Variants in MBOAT2 observed in about 807,000 individuals in gnomAD.
The protein encoded by MBOAT2 is membrane bound glycerophospholipid O-acyltransferase 2.
A neutral mutation model predicts 63.4 loss-of-function variants in MBOAT2; 28 were observed. That is an observed-to-expected ratio of 0.44 (90% CI 0.33 to 0.61). The LOEUF is 0.61. Among genes scored for constraint, MBOAT2 ranks in the 20% least tolerant of loss-of-function variants. The pLI is 0.03. For missense variants in MBOAT2, 470 were observed against 605.8 expected, an observed-to-expected ratio of 0.78 and a Z score of 2.35; for synonymous variants, 211 against 215.6, an observed-to-expected ratio of 0.98 and a Z score of 0.19.
intron 9 of MBOAT2, among the ~76,000 whole-genome samples, chr2:8,865,052 A>T (rs904571088): frequency 1.3e-5 from 2 of 152,166 alleles, no homozygotes; most frequent in African/African-American, 4.8e-5. Context: ...CTGAGTGCAG[A>T]GTATCACCAC....
chr2:8,894,519 G>T (rs1187480202), intron 4 of MBOAT2, among the ~76,000 whole-genome samples: 1 of 152,202 alleles, frequency 6.6e-6, no homozygotes, highest in Non-Finnish European at 1.5e-5. Flanking sequence ...ATAATGAAGG[G>T]CCAAGGGGGG....
At chr2:8,973,894 T>G (rs62119988) in intron 1 of MBOAT2, among the ~76,000 whole-genome samples, 8,570 of 152,200 alleles carry the variant, frequency 0.056, 242 homozygotes, top group Middle Eastern at 0.075. Flanking sequence ...ACGTTAATAG[T>G]GAACAATTTG....
At chr2:8,896,238 CA>C (rs967667476) in intron 4 of MBOAT2, among the ~76,000 whole-genome samples, 553 of 51,244 alleles carry the variant, frequency 0.011, 1 homozygote, top group South Asian at 0.014. Flanking sequence ...GACTCCGTCT[CA>C]AAAAAAAAAA....
At chr2:8,926,395 C>T (rs1032163663) in intron 3 of MBOAT2, among the ~76,000 whole-genome samples, 3 of 152,154 alleles carry the variant, frequency 2.0e-5, no homozygotes, top group Non-Finnish European at 4.4e-5. Flanking sequence ...AGGTAGAAAA[C>T]TCAACATAGA....
At chr2:8,928,552 T>TA (rs1411290490) in intron 3 of MBOAT2, among the ~76,000 whole-genome samples, 4 of 152,012 alleles carry the variant, frequency 2.6e-5, no homozygotes, top group African/African-American at 7.3e-5. Flanking sequence ...AAACATAACT[T>TA]ACATAAATAA....
chr2:8,971,578 T>A (rs898385435), intron 1 of MBOAT2, among the ~76,000 whole-genome samples: 14 of 152,212 alleles, frequency 9.2e-5, no homozygotes, highest in Non-Finnish European at 1.8e-4. Flanking sequence ...AGTCAAATTG[T>A]CCCTGTTTGC....
intron 2 of MBOAT2, among the ~76,000 whole-genome samples, chr2:8,951,466 A>G (rs1170403846): frequency 6.6e-6 from 1 of 152,154 alleles, no homozygotes; most frequent in African/African-American, 2.4e-5. Flanking sequence ...TGGCCTCCCA[A>G]TGTGCTGGGA....
At chr2:8,874,241 T>C (rs961624679) in intron 7 of MBOAT2, among the ~76,000 whole-genome samples, 1 of 152,216 alleles carries the variant, frequency 6.6e-6, no homozygotes, top group Non-Finnish European at 1.5e-5. Flanking sequence ...TATTTTATTA[T>C]TGGTTGCTCC....
chr2:8,931,049 A>G (rs1667282420), intron 3 of MBOAT2, among the ~76,000 whole-genome samples: 1 of 151,438 alleles, frequency 6.6e-6, no homozygotes, highest in South Asian at 2.1e-4. Context: ...AACCTCTGGC[A>G]TTACAGGATT....
intron 4 of MBOAT2, among the ~76,000 whole-genome samples, chr2:8,897,275 TTCTC>T (rs1217608321): frequency 6.6e-6 from 1 of 152,118 alleles, no homozygotes; most frequent in East Asian, 1.9e-4. Context: ...TTCTGTCTCT[TTCTC>T]TCTTTCCTTT....
intron 1 of MBOAT2, among the ~76,000 whole-genome samples, chr2:9,002,093 G>A (rs1442544268): frequency 1.3e-5 from 2 of 150,088 alleles, no homozygotes; most frequent in Admixed American, 6.6e-5. Flanking sequence ...CCTCCGCGGG[G>A]CCGGGAGGAT....
intron 2 of MBOAT2, among the ~76,000 whole-genome samples, chr2:8,948,462 C>T (rs1489137213): frequency 6.6e-6 from 1 of 152,122 alleles, no homozygotes; most frequent in Non-Finnish European, 1.5e-5. Context: ...TAGTACCCAA[C>T]AGTTAGTTTT....
chr2:8,934,482 C>T lies in MBOAT2; in HGVS notation c.299+8705G>A, dbSNP rs142479974. 1.1e-4 allele frequency among the ~76,000 whole-genome samples: 16 copies of T among 152,240 alleles called. No individual in the cohort carries two copies. The East Asian group carries it at 3.1e-3, about 29-fold the overall frequency. ...ACACACAAACCTGTAAGTGCTGTTG[C>T]TAGGATGCAATAGCATGTGCTTATC... On this transcript the variant is annotated intron_variant, in intron 3 of 12. Coordinates refer to ENST00000305997, the MANE Select transcript of MBOAT2 (RefSeq NM_138799.4).
At chr2:8,940,010 G>A (rs894997423) in intron 3 of MBOAT2, among the ~76,000 whole-genome samples, 1 of 152,048 alleles carries the variant, frequency 6.6e-6, no homozygotes, top group African/African-American at 2.4e-5. Flanking sequence ...GAACAGAACA[G>A]ATACCAGTTC....
intron 2 of MBOAT2, among the ~76,000 whole-genome samples, chr2:8,943,507 G>C (rs1456017118): frequency 6.6e-6 from 1 of 152,176 alleles, no homozygotes; most frequent in Non-Finnish European, 1.5e-5. Flanking sequence ...AGCACTCCAT[G>C]TCTCCTGGCT....
intron 3 of MBOAT2, among the ~76,000 whole-genome samples, chr2:8,915,904 C>T (rs1240081078): frequency 6.6e-6 from 1 of 152,188 alleles, no homozygotes; most frequent in African/African-American, 2.4e-5. Flanking sequence ...AAAAGGTGGA[C>T]GTACTATTCC....
At chr2:8,868,806 A>C (rs1323223968) in intron 8 of MBOAT2, among the ~76,000 whole-genome samples, 1 of 152,142 alleles carries the variant, frequency 6.6e-6, no homozygotes, top group Non-Finnish European at 1.5e-5. Context: ...CCAATAGGTG[A>C]AGGTGAAGAC....
intron 1 of MBOAT2, chr2:8,974,428 C>A (rs532212106): frequency 4.4e-6 from 2 of 456,290 alleles, no homozygotes; most frequent in African/African-American, 4.0e-5. Flanking sequence ...AATCATGTGG[C>A]GGGCAGCCTA....
intron 12 of MBOAT2, among the ~76,000 whole-genome samples, chr2:8,860,035 A>G (rs1005467847): frequency 7.9e-5 from 12 of 152,036 alleles, no homozygotes; most frequent in African/African-American, 2.9e-4. Context: ...AAAAAAAACA[A>G]AAATTAGCCG....
Sources: allele counts gnomAD v4.1 joint callset (sites outside exome capture counted in the v4.1 genomes callset), GRCh38; gene constraint gnomAD v4.1.1; transcripts MANE v1.5; gene names NCBI Gene and HGNC (gene_info 2026-07-23, HGNC 2026-07-21).